Variants in ARID1B observed in about 807,000 individuals in gnomAD.
ARID1B encodes the protein AT-rich interactive domain-containing protein 1B.
A neutral mutation model predicts 212.3 loss-of-function variants in ARID1B; 30 were observed. The observed-to-expected ratio is 0.14, with a 90% CI of 0.11 to 0.19. The LOEUF is 0.19. ARID1B is among the 10% of genes least tolerant of loss of function. The pLI is 1.00. For synonymous variants in ARID1B, 1,402 were observed against 1,301.7 expected (o/e 1.08, Z -1.66); for missense variants, 2,891 against 3,204.0 (o/e 0.90, Z 2.36).
rs754248704 is a variant in ARID1B, at chr6:157,206,418, A to G, written c.5646A>G (p.Glu1882=). The G allele has an allele frequency of 2.6e-5, 42 of 1,614,062 alleles. No homozygotes were observed. The highest frequency in any genetic ancestry group is 3.6e-5 in the Non-Finnish European group (42 of 1,180,052). Residue 1882 remains glutamate, a synonymous_variant, in exon 20 of 20, where the codon GAA becomes GAG. Transcript: ENST00000636930. The surrounding 1 kb of genome is among the most constrained non-coding windows in gnomAD (Gnocchi z 6.8). ...EEDSEKTESD[E]KSSIALTAPD... ...ACAGCGAGAAGACAGAAAGCGATGAAAAGAGCAGCATCGCTCTGACTGCCC... is the reference window on the plus strand; with the variant it reads ...ACAGCGAGAAGACAGAAAGCGATGAGAAGAGCAGCATCGCTCTGACTGCCC...
intron 1 of ARID1B, among the ~76,000 whole-genome samples, chr6:156,806,961 G>A (rs1781204798): frequency 6.6e-6 from 1 of 152,208 alleles, no homozygotes. Flanking sequence ...AATTTTACAT[G>A]TCTTAAAATA....
intron 11 of ARID1B, among the ~76,000 whole-genome samples, chr6:157,180,439 A>C (rs141640736): frequency 1.3e-5 from 2 of 151,956 alleles, no homozygotes; most frequent in Non-Finnish European, 2.9e-5. Flanking sequence ...CCGTGACTGG[A>C]AATCTACCTT....
At chr6:156,786,681 A>G (rs976414570) in intron 1 of ARID1B, among the ~76,000 whole-genome samples, 6 of 152,194 alleles carry the variant, frequency 3.9e-5, no homozygotes, top group African/African-American at 7.2e-5. Flanking sequence ...GCAGTGAGGT[A>G]TATGTTAGAT....
intron 2 of ARID1B, among the ~76,000 whole-genome samples, chr6:156,880,648 AGTTTCAGTTGAACCCCGGGAGGCGGAG>A (rs1786976845): frequency 6.9e-6 from 1 of 144,712 alleles, no homozygotes; most frequent in Admixed American, 7.3e-5. Context: ...CTGAGGCAAG[AGTTTCAGTTGAACCCCGGGAGGCGGAG>A]GTTTCAGTGA....
intron 2 of ARID1B, among the ~76,000 whole-genome samples, chr6:156,886,646 G>A (rs1246134750): frequency 6.6e-6 from 1 of 152,204 alleles, no homozygotes; most frequent in East Asian, 1.9e-4. Context: ...ACTACTGGGT[G>A]AAATTATGCA....
chr6:156,857,656 T>C (rs563005188), intron 2 of ARID1B, among the ~76,000 whole-genome samples: 16 of 152,374 alleles, frequency 1.1e-4, no homozygotes, highest in Non-Finnish European at 2.1e-4. Flanking sequence ...AGGCAAATAG[T>C]GTTCTGTTCC....
At chr6:156,810,479 G>A (rs1781482596) in intron 1 of ARID1B, among the ~76,000 whole-genome samples, 1 of 152,124 alleles carries the variant, frequency 6.6e-6, no homozygotes, top group Non-Finnish European at 1.5e-5. Context: ...TAAAGCGAGA[G>A]GGGTGTTCTC....
At chr6:156,897,386 G>A (rs905503696) in intron 2 of ARID1B, among the ~76,000 whole-genome samples, 8 of 151,336 alleles carry the variant, frequency 5.3e-5, no homozygotes, top group Non-Finnish European at 1.2e-4. Flanking sequence ...CGATTTTCCT[G>A]CCTCAGCCTC....
At chr6:156,802,506 G>A (rs935696929) in intron 1 of ARID1B, among the ~76,000 whole-genome samples, 3 of 152,138 alleles carry the variant, frequency 2.0e-5, no homozygotes, top group African/African-American at 7.2e-5. Context: ...AATATCAAAT[G>A]TTAATTTAAG....
At chr6:157,128,936 A>T (rs1788343471) in intron 6 of ARID1B, among the ~76,000 whole-genome samples, 1 of 152,126 alleles carries the variant, frequency 6.6e-6, no homozygotes, top group African/African-American at 2.4e-5. Context: ...CCCATAATAC[A>T]CCCTTTTTAA....
intron 4 of ARID1B, among the ~76,000 whole-genome samples, chr6:157,006,711 C>A (rs1779268256): frequency 6.6e-6 from 1 of 152,162 alleles, no homozygotes; most frequent in Non-Finnish European, 1.5e-5. Flanking sequence ...TTTCATAGAC[C>A]AGAGAGGAGC....
chr6:157,115,448 A>G (rs1787261018), intron 6 of ARID1B, among the ~76,000 whole-genome samples: 1 of 152,192 alleles, frequency 6.6e-6, no homozygotes, highest in African/African-American at 2.4e-5. Context: ...TTGTTTTGAG[A>G]CAGAGTCTTG....
intron 2 of ARID1B, among the ~76,000 whole-genome samples, chr6:156,832,377 G>A: frequency 6.6e-6 from 1 of 152,212 alleles, no homozygotes; most frequent in Non-Finnish European, 1.5e-5. Context: ...GGCTAATAAT[G>A]TTCTTCAGGG....
intron 3 of ARID1B, among the ~76,000 whole-genome samples, chr6:156,932,681 G>T (rs186543583): frequency 9.2e-5 from 14 of 152,230 alleles, no homozygotes; most frequent in African/African-American, 2.9e-4. Context: ...AGATGAAAAA[G>T]CTCAAGTTTC....
rs1778913934 is a variant in ARID1B, at chr6:156,778,865, C to CGGA, written c.1187_1188insAGG (p.Gly402dup). On this transcript the variant is annotated inframe_insertion, in exon 1 of 20. Transcript: ENST00000636930. ...CCGGCGCGGGCGGCGGCGGCGGCGG[C>CGGA]GGCGGCGGAGGAGGAGGAGGCAGCG... 7.1e-7 allele frequency: 1 copy of CGGA among 1,399,118 alleles called. No individual in the cohort carries two copies. Among genetic ancestry groups the CGGA allele is most frequent in the African/African-American group, 1.5e-5 (1 of 64,690 alleles). 86.7% of individuals were successfully genotyped at this position (1,399,118 alleles called of 1,614,324 possible).
chr6:157,033,636 G>A (rs1489105799), intron 4 of ARID1B, among the ~76,000 whole-genome samples: 3 of 152,190 alleles, frequency 2.0e-5, no homozygotes, highest in Non-Finnish European at 2.9e-5. Context: ...GAGGTGGGCC[G>A]TAGGGTAATT....
At chr6:157,134,889 A>G (rs923375222) in intron 7 of ARID1B, among the ~76,000 whole-genome samples, 1 of 152,166 alleles carries the variant, frequency 6.6e-6, no homozygotes, top group Non-Finnish European at 1.5e-5. Context: ...TCTAGGAGTT[A>G]ACTCTTAAGT....
At chr6:156,859,626 T>G (rs1273169066) in intron 2 of ARID1B, among the ~76,000 whole-genome samples, 1 of 152,268 alleles carries the variant, frequency 6.6e-6, no homozygotes, top group African/African-American at 2.4e-5. Context: ...CACCAGCCTT[T>G]TATACAGAGC....
intron 2 of ARID1B, among the ~76,000 whole-genome samples, chr6:156,868,950 A>AC: frequency 6.6e-6 from 1 of 152,344 alleles, no homozygotes; most frequent in South Asian, 2.1e-4. Context: ...CAGACCAAGT[A>AC]CGAATAGGGT....
Sources: gnomAD v4.1 joint callset for allele counts (sites outside exome capture counted in the v4.1 genomes callset) on GRCh38, gnomAD v4.1.1 for gene constraint, Gnocchi (gnomAD v3.1) non-coding constraint, MANE v1.5 for transcripts, NCBI Gene and HGNC (gene_info 2026-07-23, HGNC 2026-07-21) for gene names.